The following NAT10 variants were observed in gnomAD, a reference collection of about 807,000 sequenced individuals.
NAT10 encodes the protein N-acetyltransferase 10.
In NAT10, 109 loss-of-function variants were observed where a neutral mutation model predicts 132.2. The observed-to-expected ratio is 0.82, with a 90% confidence interval of 0.71 to 0.97. NAT10 has a LOEUF of 0.97. Among genes scored for constraint, NAT10 ranks in the 50% least tolerant of loss-of-function variants. The pLI is 0.00. For synonymous variants in NAT10, 479 were observed against 478.0 expected (o/e 1.00, Z -0.03); for missense variants, 1,184 against 1,263.4 (o/e 0.94, Z 0.95).
chr11:34,121,020 G>T (rs1851883235), intron 8 of NAT10, among the ~76,000 whole-genome samples: 1 of 152,180 alleles, frequency 6.6e-6, no homozygotes, highest in Admixed American at 6.5e-5. Flanking sequence ...GGCCTGGCAG[G>T]GAGGCTGAGG....
At chr11:34,127,109 C>T (rs1852009064) in intron 11 of NAT10, among the ~76,000 whole-genome samples, 1 of 152,222 alleles carries the variant, frequency 6.6e-6, no homozygotes, top group Admixed American at 6.5e-5. Flanking sequence ...TATCTCTCAG[C>T]ACTGTGAGTC....
At chr11:34,124,150 G>A (rs972359723) in intron 10 of NAT10, 152 bp from the exon 11 acceptor site, 8 of 610,426 alleles carry the variant, frequency 1.3e-5, no homozygotes, top group Admixed American at 9.3e-5. Context: ...GCCTGGGCTC[G>A]AAACTCCATC....
intron 4 of NAT10, among the ~76,000 whole-genome samples, chr11:34,113,032 G>A (rs1446079028): frequency 1.3e-5 from 2 of 152,204 alleles, no homozygotes; most frequent in Non-Finnish European, 2.9e-5. Flanking sequence ...TCACCTTGGA[G>A]GCCAAGAAAG....
Position 34,113,830 on chromosome 11 carries a change from G to A in NAT10, c.487G>A (p.Val163Met), listed in dbSNP as rs1260408603. 6.2e-7 allele frequency: 1 copy of A among 1,613,108 alleles called. No homozygotes were observed. The highest frequency in any genetic ancestry group is 8.5e-7 in the Non-Finnish European group (1 of 1,179,628). Reference sequence around the variant, plus strand: ...GAACTCACTCAAGCAATTGTACACAGTGACTATGGTAAGCATCTGTTTTTT... The same window carrying A: ...GAACTCACTCAAGCAATTGTACACAATGACTATGGTAAGCATCTGTTTTTT... ...TMNSLKQLYT[V>M]TMDVHSRYRT... is the part of the protein sequence containing the mutation. Residue 163 changes from valine (V) to methionine (M), a missense_variant, in exon 5 of 29, where the codon GTG becomes ATG. Physicochemically the swap from Val to Met is conservative, Grantham distance 21 (BLOSUM62 1). Coordinates refer to ENST00000257829, the MANE Select transcript of NAT10 (RefSeq NM_024662.3).
chr11:34,114,760 G>T (rs117309058), intron 5 of NAT10, among the ~76,000 whole-genome samples: 1 of 152,050 alleles, frequency 6.6e-6, no homozygotes, highest in Non-Finnish European at 1.5e-5. Flanking sequence ...AGGCAGCTCC[G>T]CCTGTCACTC....
rs760222286 is a variant in NAT10 at position 34,127,566 on chromosome 11, C to T, written c.1211C>T (p.Pro404Leu). 3.1e-6 allele frequency: 5 copies of T among 1,613,630 alleles called. No individual in the cohort carries two copies. The highest frequency in any genetic ancestry group is 4.2e-6 in the Non-Finnish European group (5 of 1,179,548). Residue 404 changes from proline to leucine, a missense_variant, in exon 12 of 29, where the codon CCC (proline) becomes CTC (leucine). Physicochemically the swap from Pro to Leu is moderately conservative, Grantham distance 98 (BLOSUM62 -3). Transcript: ENST00000257829. ...CCCTTGGTGAAGAGCCTACTTGGCC[C>T]CTACCTTGTTTTCATGGCATCCACC... ...PLPLVKSLLG[P>L]YLVFMASTIN...
chr11:34,130,993 C>T (rs919352540), intron 13 of NAT10, 56 bp downstream of exon 13: 1 of 1,595,694 alleles, frequency 6.3e-7, no homozygotes, highest in South Asian at 1.1e-5. Flanking sequence ...TTCAGTCTTA[C>T]TGATCCTCGC....
Position 34,142,252 on chromosome 11 carries a change from T to A in NAT10, c.2812-23T>A, listed in dbSNP as rs778362586. 2.5e-6 allele frequency: 4 copies of A among 1,611,998 alleles called. No individual in the cohort carries two copies. The South Asian group carries it at 3.3e-5, about 13-fold the overall frequency. On this transcript the variant is annotated intron_variant, in intron 26 of 28. Coordinates refer to ENST00000257829, the MANE Select transcript of NAT10 (RefSeq NM_024662.3). ...TTCAATCCTTGACTCTGACTTAGTC[T>A]CTTTATGGGTCCTTAACCACAGGAT...
intron 28 of NAT10, among the ~76,000 whole-genome samples, chr11:34,144,927 G>A (rs1472615686): frequency 6.6e-6 from 1 of 152,220 alleles, no homozygotes; most frequent in African/African-American, 2.4e-5. Context: ...CAGAAATCAG[G>A]TACTGTCTTC....
intron 4 of NAT10, 151 bp from the exon 5 acceptor site, chr11:34,113,565 G>A: frequency 3.2e-6 from 3 of 949,372 alleles, no homozygotes; most frequent in Non-Finnish European, 4.4e-6. Context: ...CACTTTGGGA[G>A]GCTCAGGTGG....
chr11:34,119,079 G>T (rs537907886), intron 8 of NAT10, among the ~76,000 whole-genome samples: 1 of 152,268 alleles, frequency 6.6e-6, no homozygotes, highest in Non-Finnish European at 1.5e-5. Flanking sequence ...CCTGGTTCCA[G>T]TGCGAGGCCT....
At chr11:34,135,412 T>C (rs932435703) in intron 19 of NAT10, 121 bp downstream of exon 19, 14 of 739,164 alleles carry the variant, frequency 1.9e-5, no homozygotes, top group Non-Finnish European at 2.8e-5. Context: ...TTTCTTCTGC[T>C]GCTTTCTCCT....
intron 11 of NAT10, among the ~76,000 whole-genome samples, chr11:34,126,116 C>T (rs966004795): frequency 6.6e-6 from 1 of 152,288 alleles, no homozygotes; most frequent in Admixed American, 6.5e-5. Flanking sequence ...CATTCAGGCA[C>T]CCAACACTCA....
At chr11:34,117,025 C>T (rs1282498289) in intron 6 of NAT10, among the ~76,000 whole-genome samples, 1 of 152,140 alleles carries the variant, frequency 6.6e-6, no homozygotes, top group African/African-American at 2.4e-5. Context: ...GCCACCGTGC[C>T]CGATCATAGA....
At chr11:34,136,377 C>T (rs149093607) in intron 19 of NAT10, among the ~76,000 whole-genome samples, 5 of 152,334 alleles carry the variant, frequency 3.3e-5, no homozygotes, top group East Asian at 1.9e-4. Flanking sequence ...CCACCACTCC[C>T]GGCCTCTGTC....
chr11:34,128,975 T>C (rs1179849699), intron 12 of NAT10, among the ~76,000 whole-genome samples: 6 of 152,258 alleles, frequency 3.9e-5, no homozygotes, highest in Admixed American at 3.9e-4. Context: ...GTATCAGTAT[T>C]TCATTCCTTT....
chr11:34,128,688 A>G (rs559021390), intron 12 of NAT10, among the ~76,000 whole-genome samples: 68 of 152,254 alleles, frequency 4.5e-4, no homozygotes, highest in Non-Finnish European at 7.6e-4. Flanking sequence ...TTATTGAGAT[A>G]TAACTCACAT....
chr11:34,109,227 C>T (rs1159049952), intron 3 of NAT10, among the ~76,000 whole-genome samples: 1 of 152,074 alleles, frequency 6.6e-6, no homozygotes, highest in Non-Finnish European at 1.5e-5. Flanking sequence ...TTTATGTACC[C>T]TGTGTCTCCT....
In NAT10 at chr11:34,108,804, G is replaced by A; in HGVS notation, c.171G>A (p.Trp57Ter). 2 of 1,613,976 alleles carry A rather than the reference G, an allele frequency of 1.2e-6. No homozygotes were observed. Among genetic ancestry groups the A allele is most frequent in the Non-Finnish European group, 1.7e-6 (2 of 1,179,956 alleles). ...TGAAGGCTCGGCCTTCAGTGCTGTG[G>A]TGTTATAAGAAAGAGCTGGGGTTTA... is the stretch of plus-strand genomic sequence containing the variant. ...ATVKARPSVL[W>*]CYKKELGFSS... The change falls in exon 3 of 29, where the codon TGG becomes TGA. Residue 57 changes from tryptophan (W) to a stop codon, truncating the protein, a stop_gained. Transcript: ENST00000257829. LOFTEE classifies it high-confidence loss of function.
Sources: gnomAD v4.1 joint callset for allele counts (sites outside exome capture counted in the v4.1 genomes callset) on GRCh38, gnomAD v4.1.1 for gene constraint, MANE v1.5 for transcripts, NCBI Gene and HGNC (gene_info 2026-07-23, HGNC 2026-07-21) for gene names.